Variants in ROBO2 observed in about 807,000 individuals in gnomAD.
ROBO2 encodes roundabout homolog 2.
A neutral mutation model predicts 160.8 loss-of-function variants in ROBO2; 53 were observed. The observed-to-expected ratio is 0.33, with a 90% CI of 0.26 to 0.41. The LOEUF (loss-of-function observed/expected upper bound fraction) is 0.41, where lower values mean the gene tolerates loss of function less well. Ranked by LOEUF, ROBO2 falls within the 10% of genes least tolerant of loss-of-function variation. ROBO2 has a pLI of 1.00. For missense variants in ROBO2, 1,577 were observed against 1,722.4 expected (o/e 0.92, Z 1.49); for synonymous variants, 664 against 611.7 (o/e 1.09, Z -1.26).
At chr3:77,481,005 T>G in intron 3 of ROBO2, 94 bp from the exon 4 acceptor site, 2 of 1,152,732 alleles carry the variant, frequency 1.7e-6, no homozygotes, top group East Asian at 2.4e-5. Context: ...GAAACAAATA[T>G]GCTCAAATAC....
intron 2 of ROBO2, among the ~76,000 whole-genome samples, chr3:76,236,734 G>GA (rs1704968893): frequency 6.6e-6 from 1 of 151,662 alleles, no homozygotes; most frequent in Non-Finnish European, 1.5e-5. Context: ...TTCCTTTAAA[G>GA]AAAAAAATAC....
At chr3:77,209,537 C>A (rs17821010) in intron 2 of ROBO2, among the ~76,000 whole-genome samples, 30,103 of 151,960 alleles carry the variant, frequency 0.2, 3,387 homozygotes, top group Middle Eastern at 0.32. Flanking sequence ...CAATTTCTTC[C>A]CTGGTTGGTC....
exon 26 of ROBO2, chr3:77,648,651 A>G (rs2095428652): frequency 6.6e-6 from 1 of 152,222 alleles, no homozygotes; most frequent in Admixed American, 6.5e-5. Flanking sequence ...ATGTAGCTAT[A>G]CAAAGGAATT....
chr3:76,939,446 C>G (rs1214625739), intron 2 of ROBO2, among the ~76,000 whole-genome samples: 1 of 152,108 alleles, frequency 6.6e-6, no homozygotes, highest in Non-Finnish European at 1.5e-5. Flanking sequence ...GTGAAATTTT[C>G]TTTTTCCTTC....
chr3:76,706,736 G>T (rs1276947933), intron 2 of ROBO2, among the ~76,000 whole-genome samples: 1 of 151,926 alleles, frequency 6.6e-6, no homozygotes, highest in African/African-American at 2.4e-5. Context: ...CTAAATATTT[G>T]TTCTTTGTGT....
exon 26 of ROBO2, chr3:77,646,234 T>C (rs1392373809): frequency 6.7e-6 from 3 of 444,966 alleles, no homozygotes; most frequent in African/African-American, 2.0e-5. Context: ...TGTTCTTCTC[T>C]TAAGTACACC....
intron 2 of ROBO2, among the ~76,000 whole-genome samples, chr3:76,430,543 A>G (rs1271851518): frequency 6.6e-6 from 1 of 152,020 alleles, no homozygotes. Context: ...TCTGTTCCAT[A>G]TCAATAGGTG....
At chr3:77,568,739 A>G (rs763079889) in intron 13 of ROBO2, among the ~76,000 whole-genome samples, 1 of 152,062 alleles carries the variant, frequency 6.6e-6, no homozygotes, top group Non-Finnish European at 1.5e-5. Context: ...TTTCTAAATT[A>G]TCACCAAAAT....
chr3:76,956,300 G>C (rs1269053040), intron 2 of ROBO2, among the ~76,000 whole-genome samples: 2 of 152,158 alleles, frequency 1.3e-5, no homozygotes, highest in Non-Finnish European at 2.9e-5. Flanking sequence ...GCTCACGCCT[G>C]TAATCCCAGC....
intron 2 of ROBO2, among the ~76,000 whole-genome samples, chr3:76,815,423 AG>A (rs2065577778): frequency 6.6e-6 from 1 of 151,666 alleles, no homozygotes; most frequent in African/African-American, 2.4e-5. Context: ...GTCAACAGCA[AG>A]AAACACTGTC....
chr3:76,140,911 A>G (rs1484017107), intron 2 of ROBO2, among the ~76,000 whole-genome samples: 1 of 148,544 alleles, frequency 6.7e-6, no homozygotes, highest in Non-Finnish European at 1.5e-5. Context: ...AAACGGAAAC[A>G]ATGATTAATA....
chr3:76,025,665 A>G (rs950676708), intron 2 of ROBO2, among the ~76,000 whole-genome samples: 1 of 151,816 alleles, frequency 6.6e-6, no homozygotes, highest in Non-Finnish European at 1.5e-5. Flanking sequence ...TAGTTGTTGG[A>G]ATGATCACAT....
intron 2 of ROBO2, among the ~76,000 whole-genome samples, chr3:76,592,590 A>G (rs562004969): frequency 1.1e-3 from 175 of 152,200 alleles, no homozygotes; most frequent in African/African-American, 4.0e-3. Flanking sequence ...TCCTCCAGCC[A>G]TTCAAACCTT....
At chr3:77,265,406 C>G (rs62249717) in intron 2 of ROBO2, among the ~76,000 whole-genome samples, 2,110 of 152,160 alleles carry the variant, frequency 0.014, 22 homozygotes, top group Middle Eastern at 0.031. Flanking sequence ...AAACTCAATG[C>G]CTTTTACAAG....
At chr3:76,091,757 A>T (rs13085729) in intron 2 of ROBO2, among the ~76,000 whole-genome samples, 55,786 of 152,022 alleles carry the variant, frequency 0.37, 10,961 homozygotes, top group South Asian at 0.58. Context: ...TTGAAAAGAA[A>T]TAAACTATCA....
chr3:76,682,804 A>G (rs1173117452), intron 2 of ROBO2, among the ~76,000 whole-genome samples: 1 of 152,196 alleles, frequency 6.6e-6, no homozygotes, highest in Non-Finnish European at 1.5e-5. Context: ...CTGGAGAGTT[A>G]TAATAGTAAA....
intron 13 of ROBO2, among the ~76,000 whole-genome samples, chr3:77,569,853 A>G (rs981118111): frequency 1.1e-4 from 16 of 152,144 alleles, no homozygotes; most frequent in Non-Finnish European, 1.8e-4. Context: ...AAATAAGACT[A>G]AGTTTATAAT....
intron 2 of ROBO2, among the ~76,000 whole-genome samples, chr3:76,220,134 A>T (rs1703861655): frequency 6.9e-6 from 1 of 144,386 alleles, no homozygotes; most frequent in South Asian, 2.4e-4. Flanking sequence ...CAATGAGAAC[A>T]CATGGATACA....
At chr3:76,065,050 G>A (rs898644110) in intron 2 of ROBO2, among the ~76,000 whole-genome samples, 2 of 151,960 alleles carry the variant, frequency 1.3e-5, no homozygotes, top group African/African-American at 4.8e-5. Context: ...AAATAGATAA[G>A]TTGAAACAAC....
Sources: allele counts gnomAD v4.1 joint callset (sites outside exome capture counted in the v4.1 genomes callset), GRCh38; gene constraint gnomAD v4.1.1; transcripts MANE v1.5; gene names NCBI Gene and HGNC (gene_info 2026-07-23, HGNC 2026-07-21).